Variants in PFKL observed in about 807,000 individuals in gnomAD.
PFKL encodes phosphofructokinase, liver type.
A neutral mutation model predicts 92.1 loss-of-function variants in PFKL; 74 were observed. The ratio of observed to expected loss-of-function variants is 0.80; its 90% confidence interval spans 0.67 to 0.97. The LOEUF is 0.97. PFKL is among the 50% of genes least tolerant of loss of function. The probability of loss-of-function intolerance (pLI) is 0.00; values close to 1 mark genes in which losing one functional copy is unlikely to be tolerated. For synonymous variants in PFKL, 494 were observed against 456.4 expected (o/e 1.08, Z -1.05); for missense variants, 1,028 against 1,116.6 (o/e 0.92, Z 1.13).
chr21:44,323,102 T>C, intron 15 of PFKL, 53 bp downstream of exon 15: 2 of 1,433,742 alleles, frequency 1.4e-6, no homozygotes, highest in Non-Finnish European at 2.0e-6. Flanking sequence ...ACCCAAGGTG[T>C]CCTCCCGCCG....
At chr21:44,303,496 C>T (rs2040838526) in intron 1 of PFKL, among the ~76,000 whole-genome samples, 1 of 151,228 alleles carries the variant, frequency 6.6e-6, no homozygotes, top group African/African-American at 2.4e-5. Context: ...TCGCCCTGGC[C>T]TGGGCACTTT....
rs367795946 is a variant in PFKL at position 44,326,161 on chromosome 21, C to T, written c.2092C>T (p.Arg698Trp). ...CTGCCACGTGCCTCTGTTTGCAGGACGGGTGTTCGCCAATGCCCCAGACTC... is the reference window on the plus strand; with the variant it reads ...CTGCCACGTGCCTCTGTTTGCAGGATGGGTGTTCGCCAATGCCCCAGACTC... ...EKLREVYRKGRVFANAPDSAC... is the reference protein window; with the variant it reads ...EKLREVYRKGWVFANAPDSAC... Residue 698 changes from arginine (R) to tryptophan (W), a missense_variant and splice_region_variant, in exon 21 of 22, where the codon CGG becomes TGG. By Grantham distance (101) the Arg-to-Trp change is moderately radical (BLOSUM62 -3). Coordinates refer to ENST00000349048, the MANE Select transcript of PFKL (RefSeq NM_002626.6). 2.4e-5 allele frequency: 39 copies of T among 1,611,942 alleles called. No individual in the cohort carries two copies. The highest frequency in any genetic ancestry group is 3.1e-5 in the Non-Finnish European group (36 of 1,179,250).
intron 12 of PFKL, chr21:44,320,689 A>G (rs2047333622): frequency 6.6e-6 from 1 of 152,600 alleles, no homozygotes; most frequent in Non-Finnish European, 1.5e-5. Context: ...AGATCGTGCC[A>G]TTGCACTCCA....
chr21:44,313,964 C>T lies in PFKL; in HGVS notation c.690C>T (p.Ile230=), dbSNP rs1017195587. Residue 230 remains isoleucine (I), a synonymous_variant, in exon 7 of 22, where the codon ATC becomes ATT. Coordinates refer to ENST00000349048, the MANE Select transcript of PFKL (RefSeq NM_002626.6). ...ALASGADWLF[I]PEAPPEDGWE... is the part of the protein sequence containing the mutation. ...CCTCAGGGGCCGACTGGCTGTTCAT[C>T]CCCGAGGCTCCACCCGAGGACGGCT... 1.2e-6 allele frequency: 2 copies of T among 1,608,170 alleles called. No homozygotes were observed. The highest frequency in any genetic ancestry group is 1.3e-5 in the African/African-American group (1 of 74,906).
At chr21:44,322,002 C>G (rs112570903) in intron 13 of PFKL, 127 bp downstream of exon 13, 1 of 1,431,932 alleles carries the variant, frequency 7.0e-7, no homozygotes, top group Non-Finnish European at 9.4e-7. Flanking sequence ...GGTGCCCACC[C>G]GGGCCTGGGT....
At chr21:44,314,269 G>C (rs370086089) in intron 7 of PFKL, 3 of 535,598 alleles carry the variant, frequency 5.6e-6, no homozygotes. Context: ...GCCGCCCCAG[G>C]CTCAGCCCCG....
At chr21:44,326,104 G>A (rs2047500607) in intron 20 of PFKL, 44 bp downstream of exon 20, 1 of 1,605,402 alleles carries the variant, frequency 6.2e-7, no homozygotes, top group East Asian at 2.2e-5. Flanking sequence ...GCCCTCCCCT[G>A]GCTCCCTGGG....
chr21:44,325,531 G>A (rs910470921), intron 19 of PFKL: 28 of 556,574 alleles, frequency 5.0e-5, no homozygotes, highest in African/African-American at 2.3e-4. Context: ...CAGGCCTCCC[G>A]CGGCCACTTC....
At chr21:44,301,378 G>A (rs1020572659) in intron 1 of PFKL, among the ~76,000 whole-genome samples, 2 of 152,252 alleles carry the variant, frequency 1.3e-5, no homozygotes, top group African/African-American at 4.8e-5. Context: ...GAGCCAGTGT[G>A]GCTCCACAAG....
At chr21:44,326,666 T>G in intron 21 of PFKL, 49 bp from the exon 22 acceptor site, 4 of 1,586,984 alleles carry the variant, frequency 2.5e-6, no homozygotes, top group Non-Finnish European at 3.4e-6. Context: ...GCTGAAGAGC[T>G]GCCCTGACCC....
intron 11 of PFKL, chr21:44,319,818 C>A (rs372152878): frequency 3.1e-5 from 16 of 518,094 alleles, no homozygotes; most frequent in Middle Eastern, 5.2e-4. Context: ...CCTCCACCCG[C>A]TACCAAGGTG....
At chr21:44,305,408 C>T (rs750815422) in intron 1 of PFKL, 2 of 1,362,788 alleles carry the variant, frequency 1.5e-6, no homozygotes, top group South Asian at 2.3e-5. Context: ...TGAGCAGGAG[C>T]CCCCAGCAGG....
At chr21:44,326,689 C>A (rs1324222949) in intron 21 of PFKL, 26 bp from the exon 22 acceptor site, 1 of 1,608,680 alleles carries the variant, frequency 6.2e-7, no homozygotes, top group African/African-American at 1.3e-5. Context: ...GACTCCCCAT[C>A]ATCCTCCCAT....
intron 10 of PFKL, 142 bp from the exon 11 acceptor site, chr21:44,319,209 C>T (rs1243470126): frequency 1.4e-6 from 1 of 696,914 alleles, no homozygotes; most frequent in South Asian, 1.7e-5. Flanking sequence ...GACCGCTGTT[C>T]CTAGGGAGAG....
At chr21:44,318,618 C>T in intron 10 of PFKL, 23 bp downstream of exon 10, 1 of 1,451,010 alleles carries the variant, frequency 6.9e-7, no homozygotes, top group Non-Finnish European at 9.2e-7. Flanking sequence ...CCCCCCCCAT[C>T]AGAACCGCCT....
At chr21:44,311,266 A>C (rs1297058351) in intron 3 of PFKL, among the ~76,000 whole-genome samples, 183 bp downstream of exon 3, 1 of 151,872 alleles carries the variant, frequency 6.6e-6, no homozygotes, top group Admixed American at 6.6e-5. Context: ...ATGCGTGCAC[A>C]CACAGACCCG....
At chr21:44,315,515 T>G (rs867118806) in intron 7 of PFKL, 1 of 152,820 alleles carries the variant, frequency 6.5e-6, no homozygotes, top group Non-Finnish European at 1.5e-5. Flanking sequence ...GCTCCAACCC[T>G]GTCCCTGTAG....
Position 44,323,012 on chromosome 21 carries a change from A to G in PFKL, c.1460A>G (p.Tyr487Cys), listed in dbSNP as rs755764205. The G allele has an allele frequency of 2.6e-5, 42 of 1,612,994 alleles. No individual in the cohort carries two copies. The East Asian group carries it at 8.0e-4, about 31-fold the overall frequency. The part of the protein sequence containing the change: ...LESIVENIRI[Y>C]GIHALLVVGG... ...TCCATTGTGGAGAACATCCGCATCT[A>G]TGGTATTCACGCCCTGCTGGTGGTC... Residue 487 changes from tyrosine (Y) to cysteine (C), a missense_variant, in exon 15 of 22, where the codon TAT becomes TGT. Transcript: ENST00000349048.
At chr21:44,302,587 C>G (rs1372748597) in intron 1 of PFKL, among the ~76,000 whole-genome samples, 1 of 152,196 alleles carries the variant, frequency 6.6e-6, no homozygotes, top group Non-Finnish European at 1.5e-5. Flanking sequence ...CATAGTGTGC[C>G]CTTCTCTTTG....
Sources: allele counts gnomAD v4.1 joint callset (sites outside exome capture counted in the v4.1 genomes callset), GRCh38; gene constraint gnomAD v4.1.1; transcripts MANE v1.5; gene names NCBI Gene and HGNC (gene_info 2026-07-23, HGNC 2026-07-21).